Variants in NEBL observed in about 807,000 individuals in gnomAD.
NEBL encodes nebulette.
Under a neutral mutation model 140.2 loss-of-function variants are expected in NEBL, and 122 were observed. The observed-to-expected ratio is 0.87, with a 90% CI of 0.75 to 1.01. NEBL has a LOEUF of 1.01. NEBL is among the 50% of genes least tolerant of loss of function. The pLI is 0.00. For missense variants in NEBL, 1,365 were observed against 1,231.3 expected (o/e 1.11, Z -1.62); for synonymous variants, 436 against 398.9 (o/e 1.09, Z -1.11).
chr10:20,853,391 T>C (rs1842732556), intron 9 of NEBL, among the ~76,000 whole-genome samples: 1 of 152,170 alleles, frequency 6.6e-6, no homozygotes, highest in African/African-American at 2.4e-5. Context: ...TGACAAAAAT[T>C]GTTTCATTAG....
chr10:20,935,151 TC>T (rs1454562914), intron 4 of NEBL, among the ~76,000 whole-genome samples: 4 of 152,112 alleles, frequency 2.6e-5, no homozygotes, highest in Admixed American at 2.6e-4. Flanking sequence ...ATTCAATCAG[TC>T]CTTCAACACA....
chr10:21,176,177 A>G (rs1290446284), upstream of NEBL, among the ~76,000 whole-genome samples: 1 of 151,832 alleles, frequency 6.6e-6, no homozygotes, highest in Non-Finnish European at 1.5e-5. Flanking sequence ...TAATTTTTGT[A>G]TTTTTTGTAG....
intron 4 of NEBL, among the ~76,000 whole-genome samples, chr10:20,959,709 A>AT (rs1382379829): frequency 6.6e-6 from 1 of 152,080 alleles, no homozygotes; most frequent in Non-Finnish European, 1.5e-5. Context: ...AACATTTAAT[A>AT]TGCCTCATAT....
At chr10:21,044,401 A>AAAAT (rs1381028724) in intron 2 of NEBL, among the ~76,000 whole-genome samples, 1 of 143,504 alleles carries the variant, frequency 7.0e-6, no homozygotes, top group East Asian at 2.0e-4. Context: ...TAAGAATAAA[A>AAAAT]AAAAAAAAAA....
intron 3 of NEBL, among the ~76,000 whole-genome samples, chr10:21,236,660 T>G (rs866163512): frequency 2.3e-4 from 35 of 152,172 alleles, no homozygotes; most frequent in Admixed American, 9.2e-4. Flanking sequence ...CTCACCTACT[T>G]TGAAAAAATA....
At chr10:20,865,848 C>A (rs1844223519) in intron 7 of NEBL, among the ~76,000 whole-genome samples, 1 of 152,146 alleles carries the variant, frequency 6.6e-6, no homozygotes, top group Non-Finnish European at 1.5e-5. Flanking sequence ...GTCTGCCTCT[C>A]CCAGGGAGCA....
chr10:21,267,427 T>C (rs1015519359), intron 1 of NEBL, among the ~76,000 whole-genome samples: 1 of 152,240 alleles, frequency 6.6e-6, no homozygotes, highest in South Asian at 2.1e-4. Flanking sequence ...TGTTCTGATG[T>C]GTCTTATTTG....
At chr10:21,055,326 T>C (rs1182626231) in intron 2 of NEBL, among the ~76,000 whole-genome samples, 1 of 152,094 alleles carries the variant, frequency 6.6e-6, no homozygotes, top group African/African-American at 2.4e-5. Context: ...AAGAGGGAAA[T>C]ATTCAGCTAA....
chr10:21,096,725 A>G (rs1007414487), intron 2 of NEBL, among the ~76,000 whole-genome samples: 1 of 152,086 alleles, frequency 6.6e-6, no homozygotes, highest in Non-Finnish European at 1.5e-5. Flanking sequence ...ATGTTGCCCA[A>G]GCTAGTCTCA....
At chr10:21,096,330 TA>T (rs1837183372) in intron 2 of NEBL, among the ~76,000 whole-genome samples, 1 of 152,192 alleles carries the variant, frequency 6.6e-6, no homozygotes, top group South Asian at 2.1e-4. Context: ...ATATAAACCA[TA>T]ATACAATTTG....
At chr10:20,804,510 C>G (rs142986983) in intron 26 of NEBL, 36 of 152,292 alleles carry the variant, frequency 2.4e-4, no homozygotes, top group African/African-American at 8.7e-4. Context: ...AACCAAGCAC[C>G]GTTCCACTTA....
At chr10:20,825,753 A>G (rs1455031753) in intron 18 of NEBL, among the ~76,000 whole-genome samples, 7 of 152,066 alleles carry the variant, frequency 4.6e-5, no homozygotes, top group African/African-American at 1.7e-4. Flanking sequence ...AATGTCAAAC[A>G]CTCAATGGAA....
At chr10:20,914,901 A>C (rs1241251427) in intron 4 of NEBL, among the ~76,000 whole-genome samples, 1 of 151,272 alleles carries the variant, frequency 6.6e-6, no homozygotes, top group Non-Finnish European at 1.5e-5. Context: ...TCTGTCACCC[A>C]GGCCGGAATG....
chr10:21,093,393 C>G (rs572489194), intron 2 of NEBL, among the ~76,000 whole-genome samples: 3 of 152,238 alleles, frequency 2.0e-5, no homozygotes, highest in East Asian at 3.9e-4. Context: ...ACTGTCATCT[C>G]TCTTGGCTTG....
intron 6 of NEBL, among the ~76,000 whole-genome samples, chr10:20,869,317 T>C (rs1457660046): frequency 1.3e-5 from 2 of 152,064 alleles, no homozygotes; most frequent in Non-Finnish European, 2.9e-5. Flanking sequence ...TTACGCCATG[T>C]AGGAAGTGGA....
intron 3 of NEBL, among the ~76,000 whole-genome samples, chr10:20,963,372 T>C (rs1358729073): frequency 6.6e-6 from 1 of 152,118 alleles, no homozygotes; most frequent in Non-Finnish European, 1.5e-5. Context: ...AAGGTTGGAA[T>C]AGCAACAGGC....
At chr10:21,241,211 C>T (rs894076852) in intron 3 of NEBL, among the ~76,000 whole-genome samples, 1 of 151,450 alleles carries the variant, frequency 6.6e-6, no homozygotes. Flanking sequence ...AGCTCCTTCA[C>T]AGAGTCCAGA....
At chr10:21,041,640 T>C (rs1834271051) in intron 2 of NEBL, among the ~76,000 whole-genome samples, 1 of 152,172 alleles carries the variant, frequency 6.6e-6, no homozygotes, top group Non-Finnish European at 1.5e-5. Context: ...TTCCCTCTAC[T>C]CTTTTTTTTA....
intron 2 of NEBL, among the ~76,000 whole-genome samples, chr10:21,057,102 A>G (rs1236253742): frequency 6.6e-6 from 1 of 152,186 alleles, no homozygotes; most frequent in Non-Finnish European, 1.5e-5. Context: ...ACAAAATAAG[A>G]TAAAACAAGT....
Sources: gnomAD v4.1 joint callset for allele counts (sites outside exome capture counted in the v4.1 genomes callset) on GRCh38, gnomAD v4.1.1 for gene constraint, MANE v1.5 for transcripts, NCBI Gene and HGNC (gene_info 2026-07-23, HGNC 2026-07-21) for gene names.